Variants in CREB5 observed in about 807,000 individuals in gnomAD.
The protein encoded by CREB5 is cAMP responsive element binding protein 5.
Under a neutral mutation model 57.1 loss-of-function variants are expected in CREB5, and 19 were observed. The ratio of observed to expected loss-of-function variants is 0.33; its 90% CI spans 0.23 to 0.49. The LOEUF (loss-of-function observed/expected upper bound fraction) is 0.49, where lower values mean the gene tolerates loss of function less well. Among genes scored for constraint, CREB5 ranks in the 20% least tolerant of loss-of-function variants. The pLI is 0.99. For synonymous variants in CREB5, 238 were observed against 238.3 expected, an observed-to-expected ratio of 1.00 and a Z score of 0.01; for missense variants, 579 against 671.6, an observed-to-expected ratio of 0.86 and a Z score of 1.52.
chr7:28,463,635 T>C (rs1331873016), intron 1 of CREB5, among the ~76,000 whole-genome samples: 3 of 152,190 alleles, frequency 2.0e-5, no homozygotes, highest in African/African-American at 7.2e-5. Flanking sequence ...CATGTGCTTT[T>C]TTGTTAAATT....
intron 1 of CREB5, among the ~76,000 whole-genome samples, chr7:28,420,099 AT>A (rs3041011): frequency 0.39 from 58,725 of 149,986 alleles, 13,247 homozygotes; most frequent in African/African-American, 0.63. Flanking sequence ...GCAAAGTACA[AT>A]TTTTTTTTTT....
intron 8 of CREB5, among the ~76,000 whole-genome samples, chr7:28,804,898 T>C (rs1808617243): frequency 6.6e-6 from 1 of 152,198 alleles, no homozygotes. Context: ...ACGAGTTAAT[T>C]CTAACCCTGG....
intron 1 of CREB5, among the ~76,000 whole-genome samples, chr7:28,402,133 G>A (rs1472474796): frequency 2.6e-5 from 4 of 152,216 alleles, no homozygotes; most frequent in South Asian, 2.1e-4. Flanking sequence ...ATCTCATTGT[G>A]GTTTTGATTT....
At chr7:28,624,138 AGACCAATAAGTAAGTGCAAAT>A (rs1304061452) in intron 5 of CREB5, among the ~76,000 whole-genome samples, 2 of 152,368 alleles carry the variant, frequency 1.3e-5, no homozygotes, top group African/African-American at 4.8e-5. Flanking sequence ...TGAAATACAC[AGACCAATAAGTAAGTGCAAAT>A]GAAATATTGA....
intron 4 of CREB5, among the ~76,000 whole-genome samples, chr7:28,519,603 G>A (rs942833454): frequency 6.6e-6 from 1 of 152,134 alleles, no homozygotes; most frequent in African/African-American, 2.4e-5. Context: ...GGCACATATT[G>A]TAAGACAGCT....
chr7:28,583,256 A>G (rs185973700), intron 5 of CREB5, among the ~76,000 whole-genome samples: 1 of 152,368 alleles, frequency 6.6e-6, no homozygotes, highest in East Asian at 1.9e-4. Flanking sequence ...ACAAGAGGAA[A>G]AGTGAATTAT....
At chr7:28,697,651 A>G (rs17729315) in intron 5 of CREB5, among the ~76,000 whole-genome samples, 17,631 of 152,234 alleles carry the variant, frequency 0.12, 1,437 homozygotes, top group Non-Finnish European at 0.17. Flanking sequence ...ATTTATTTCC[A>G]TGGATTCTGA....
At chr7:28,301,304 TGG>T (rs903763266) in intron 1 of CREB5, among the ~76,000 whole-genome samples, 6 of 152,196 alleles carry the variant, frequency 3.9e-5, no homozygotes, top group African/African-American at 1.4e-4. Context: ...CTAGTGTGTG[TGG>T]GAGCAAACTT....
intron 4 of CREB5, among the ~76,000 whole-genome samples, chr7:28,530,831 G>C (rs952136538): frequency 6.6e-6 from 1 of 152,300 alleles, no homozygotes; most frequent in African/African-American, 2.4e-5. Context: ...TTTTATCCTG[G>C]CTGATGATGG....
rs1382506764 is a variant in CREB5 at position 28,737,574 on chromosome 7, TATATATA to T, written c.702+13243_702+13249del. Among the ~76,000 whole-genome samples the T allele has an allele frequency of 1.1e-3, 37 of 34,198 alleles. 2 individuals carry two copies. The highest frequency in any genetic ancestry group is 2.6e-4 in the African/African-American group (3 of 11,458). The allele number at this position is 34,198 out of a possible 152,430, so 22.4% of individuals were successfully genotyped here. A position where few individuals can be genotyped will look rare whatever the true frequency, so the allele number is the denominator to read the frequency against. On this transcript the variant is annotated intron_variant, in intron 7 of 10. Coordinates refer to ENST00000357727, the MANE Select transcript of CREB5 (RefSeq NM_182898.4). ...ATATATATATATATATATATATATA[TATATATA>T]TATATATTTTTAACTCCTGTTTCAA...
At chr7:28,357,865 G>A (rs1017030789) in intron 1 of CREB5, among the ~76,000 whole-genome samples, 1 of 152,184 alleles carries the variant, frequency 6.6e-6, no homozygotes, top group Non-Finnish European at 1.5e-5. Flanking sequence ...TGAAAGAAAG[G>A]AAAGATCTTT....
intron 5 of CREB5, among the ~76,000 whole-genome samples, chr7:28,692,025 A>AC (rs1205192114): frequency 2.0e-5 from 3 of 150,964 alleles, no homozygotes; most frequent in African/African-American, 7.3e-5. Context: ...AAAAAAAAAA[A>AC]AAAACAACAA....
At position 28,809,262 on chromosome 7, in the gene CREB5, A is replaced by C. The variant is rs1370952926; in HGVS notation, c.1102A>C (p.Arg368=). 5.6e-6 allele frequency: 9 copies of C among 1,614,196 alleles called. No individual in the cohort carries two copies. In the East Asian group the frequency reaches 1.1e-4, roughly 20 times the overall value. The change falls in exon 9 of 11, where the codon AGG becomes CGG. Residue 368 remains arginine (R), a synonymous_variant. Coordinates refer to ENST00000357727, the MANE Select transcript of CREB5 (RefSeq NM_182898.4). ...CCAGCCCACAGGGGGGCGCCGGCGA[A>C]GGGTGGTAGACGAGGATCCGGACGA... ...PPQPTGGRRR[R]VVDEDPDERR...
chr7:28,706,102 C>A (rs971076598), intron 5 of CREB5, among the ~76,000 whole-genome samples: 1 of 152,202 alleles, frequency 6.6e-6, no homozygotes, highest in Non-Finnish European at 1.5e-5. Context: ...CGCCTGTAAT[C>A]CCAACACTTT....
intron 7 of CREB5, among the ~76,000 whole-genome samples, chr7:28,744,434 G>A (rs906181312): frequency 9.0e-5 from 12 of 133,462 alleles, no homozygotes; most frequent in Admixed American, 2.7e-4. Flanking sequence ...TGCAGCTTCC[G>A]CCTCCCACGT....
intron 5 of CREB5, among the ~76,000 whole-genome samples, chr7:28,711,491 C>T (rs1802396966): frequency 6.6e-6 from 1 of 152,118 alleles, no homozygotes; most frequent in African/African-American, 2.4e-5. Flanking sequence ...AGATTTGGTT[C>T]GGAACATGAG....
chr7:28,399,418 T>TAAAAAAAAAAAAAAAAAA (rs34901571), intron 1 of CREB5, among the ~76,000 whole-genome samples: 1 of 128,156 alleles, frequency 7.8e-6, no homozygotes, highest in Non-Finnish European at 1.7e-5. Context: ...ATCATTCTGG[T>TAAAAAAAAAAAAAAAAAA]AAAAAAAAAA....
At chr7:28,343,347 T>C (rs1394102839) in intron 1 of CREB5, among the ~76,000 whole-genome samples, 1 of 152,220 alleles carries the variant, frequency 6.6e-6, no homozygotes, top group African/African-American at 2.4e-5. Flanking sequence ...TGAACAATCT[T>C]TGCTTATGCT....
intron 4 of CREB5, among the ~76,000 whole-genome samples, chr7:28,550,231 T>C (rs118165346): frequency 1.3e-5 from 2 of 152,072 alleles, no homozygotes; most frequent in East Asian, 3.9e-4. Context: ...TCCTTCTCTG[T>C]CTTCTTGTTC....
Sources: gnomAD v4.1 joint callset for allele counts (sites outside exome capture counted in the v4.1 genomes callset) on GRCh38, gnomAD v4.1.1 for gene constraint, MANE v1.5 for transcripts, NCBI Gene and HGNC (gene_info 2026-07-23, HGNC 2026-07-21) for gene names.